The following NKAIN3 variants were observed in gnomAD, a reference collection of about 807,000 sequenced individuals.
NKAIN3 encodes the protein sodium/potassium transporting ATPase interacting 3, also known as sodium/potassium-transporting ATPase subunit beta-1-interacting protein 3.
NKAIN3 carries 25 observed loss-of-function variants against 30.2 expected under a neutral mutation model. That is an observed-to-expected ratio of 0.83 (90% CI 0.60 to 1.16). The LOEUF is 1.16. Among genes scored for constraint, NKAIN3 ranks in the 50% most tolerant of loss-of-function variants. The pLI, the probability that NKAIN3 is intolerant of heterozygous loss-of-function variation, is 0.00. For synonymous variants in NKAIN3, 91 were observed against 89.6 expected (o/e 1.02, Z -0.09); for missense variants, 225 against 254.1 (o/e 0.89, Z 0.78).
chr8:62,708,202 A>G (rs529866522), intron 3 of NKAIN3, among the ~76,000 whole-genome samples: 130 of 152,240 alleles, frequency 8.5e-4, no homozygotes, highest in Middle Eastern at 3.4e-3. Flanking sequence ...TGCTTTGGCT[A>G]TGCGGGCTCT....
At chr8:62,421,134 A>G (rs1054384164) in intron 1 of NKAIN3, among the ~76,000 whole-genome samples, 2 of 152,266 alleles carry the variant, frequency 1.3e-5, no homozygotes, top group South Asian at 4.1e-4. Flanking sequence ...AGTCCTTACC[A>G]TGAGGTGGAT....
chr8:62,259,380 G>A (rs1812360283), intron 1 of NKAIN3, among the ~76,000 whole-genome samples: 1 of 152,056 alleles, frequency 6.6e-6, no homozygotes, highest in Admixed American at 6.6e-5. Flanking sequence ...TACTTGATAA[G>A]GTTATATTTG....
chr8:62,302,755 C>G (rs550024814), intron 1 of NKAIN3, among the ~76,000 whole-genome samples: 4 of 152,104 alleles, frequency 2.6e-5, no homozygotes, highest in African/African-American at 7.2e-5. Context: ...TTATTTTCTT[C>G]TTAGTAAACA....
intron 1 of NKAIN3, among the ~76,000 whole-genome samples, chr8:62,356,333 T>C (rs1211583385): frequency 2.0e-5 from 3 of 152,202 alleles, no homozygotes; most frequent in Non-Finnish European, 2.9e-5. Flanking sequence ...GAAAAATGTA[T>C]ATACTGCTGG....
At chr8:62,470,334 A>G (rs186319481) in intron 1 of NKAIN3, among the ~76,000 whole-genome samples, 1 of 152,200 alleles carries the variant, frequency 6.6e-6, no homozygotes, top group Non-Finnish European at 1.5e-5. Context: ...TTGATAAAAC[A>G]AAAGGGCAAG....
rs73685517 is a variant in NKAIN3 at position 62,739,543 on chromosome 8, T to C, written c.274-7389T>C. On this transcript the variant is annotated intron_variant, in intron 3 of 6. Coordinates refer to ENST00000623646, the MANE Select transcript of NKAIN3 (RefSeq NM_001304533.3). ...TCAGACATATTACAACAAGTTAGTA[T>C]GAGTTTATTTTGGTGCAAAAAAATT... is the stretch of plus-strand genomic sequence containing the variant. Among the ~76,000 whole-genome samples the C allele has an allele frequency of 9.8e-3, 1,499 of 152,286 alleles. 24 individuals carry two copies. The highest frequency in any genetic ancestry group is 0.034 in the African/African-American group (1,421 of 41,568).
chr8:62,325,577 G>T (rs541783602), intron 1 of NKAIN3, among the ~76,000 whole-genome samples: 1 of 152,160 alleles, frequency 6.6e-6, no homozygotes, highest in South Asian at 2.1e-4. Flanking sequence ...CACAGTGTTT[G>T]TACTAGTTTA....
intron 1 of NKAIN3, among the ~76,000 whole-genome samples, chr8:62,278,313 T>G (rs1273451581): frequency 6.6e-6 from 1 of 151,578 alleles, no homozygotes; most frequent in Non-Finnish European, 1.5e-5. Flanking sequence ...AACTAAGGAA[T>G]GAAGCAAAGT....
At chr8:62,541,025 G>A (rs1370699192) in intron 1 of NKAIN3, among the ~76,000 whole-genome samples, 2 of 152,090 alleles carry the variant, frequency 1.3e-5, no homozygotes, top group Non-Finnish European at 2.9e-5. Flanking sequence ...AAAGTCCAGA[G>A]CCAACCAGGC....
chr8:62,941,478 C>G (rs1585602288), intron 5 of NKAIN3, among the ~76,000 whole-genome samples: 1 of 151,936 alleles, frequency 6.6e-6, no homozygotes, highest in African/African-American at 2.4e-5. Context: ...CAGACCAATA[C>G]CCCTGATGAA....
At chr8:62,332,750 C>T (rs1815396241) in intron 1 of NKAIN3, among the ~76,000 whole-genome samples, 1 of 152,142 alleles carries the variant, frequency 6.6e-6, no homozygotes, top group South Asian at 2.1e-4. Context: ...CGACCAGGCA[C>T]TGTGGCTCAC....
At chr8:62,318,090 G>T (rs1378472588) in intron 1 of NKAIN3, among the ~76,000 whole-genome samples, 4 of 152,128 alleles carry the variant, frequency 2.6e-5, no homozygotes, top group East Asian at 1.9e-4. Context: ...TCTGTTATGG[G>T]TGTATAAGAA....
intron 4 of NKAIN3, among the ~76,000 whole-genome samples, chr8:62,860,314 T>G (rs1820201075): frequency 6.6e-6 from 1 of 152,222 alleles, no homozygotes; most frequent in African/African-American, 2.4e-5. Context: ...ATTTTCCTAC[T>G]TGTGACACTG....
At chr8:62,566,308 A>T (rs915877967) in intron 1 of NKAIN3, among the ~76,000 whole-genome samples, 1 of 152,120 alleles carries the variant, frequency 6.6e-6, no homozygotes, top group Non-Finnish European at 1.5e-5. Context: ...CCCATTTACT[A>T]TAGCATATAT....
intron 1 of NKAIN3, among the ~76,000 whole-genome samples, chr8:62,371,275 T>A (rs1045794144): frequency 2.6e-4 from 39 of 151,974 alleles, no homozygotes; most frequent in African/African-American, 4.8e-5. Flanking sequence ...ATTTTTTTTC[T>A]TAATTCTTTC....
At chr8:62,691,257 C>T (rs1801902286) in intron 3 of NKAIN3, among the ~76,000 whole-genome samples, 1 of 152,058 alleles carries the variant, frequency 6.6e-6, no homozygotes, top group African/African-American at 2.4e-5. Flanking sequence ...GAGAGGTGCA[C>T]TGAAAGAAAG....
intron 1 of NKAIN3, among the ~76,000 whole-genome samples, chr8:62,315,206 G>T (rs1285417850): frequency 6.6e-6 from 1 of 152,108 alleles, no homozygotes; most frequent in African/African-American, 2.4e-5. Context: ...CGACTACAAA[G>T]GAAAATCTTG....
rs116302969 is a variant in NKAIN3 at position 62,717,166 on chromosome 8, G to T, written c.274-29766G>T. ...GAGTTTCATACCCAGAATGTAGAGT[G>T]TGAAGAGGTCACAATTCAGTAAGTA... On this transcript the variant is annotated intron_variant, in intron 3 of 6. Transcript: ENST00000623646. 4.1e-3 allele frequency among the ~76,000 whole-genome samples: 629 copies of T among 152,310 alleles called. 4 individuals are homozygous for T. Among genetic ancestry groups the T allele is most frequent in the African/African-American group, 0.014 (591 of 41,562 alleles).
chr8:62,461,654 T>G (rs913002508), intron 1 of NKAIN3, among the ~76,000 whole-genome samples: 5 of 152,156 alleles, frequency 3.3e-5, no homozygotes, highest in Non-Finnish European at 7.3e-5. Context: ...ATAGAAATTC[T>G]GAAGTTGAAA....
Sources: gnomAD v4.1 joint callset for allele counts (sites outside exome capture counted in the v4.1 genomes callset) on GRCh38, gnomAD v4.1.1 for gene constraint, MANE v1.5 for transcripts, NCBI Gene and HGNC (gene_info 2026-07-23, HGNC 2026-07-21) for gene names.